The following SLC29A1 variants were observed in gnomAD, a reference collection of about 807,000 sequenced individuals.
The protein encoded by SLC29A1 is equilibrative nucleoside transporter 1.
A neutral mutation model predicts 48.3 loss-of-function variants in SLC29A1; 22 were observed. The ratio of observed to expected loss-of-function variants is 0.46; its 90% CI spans 0.33 to 0.65. SLC29A1 has a LOEUF of 0.65. SLC29A1 is among the 30% of genes least tolerant of loss of function. The pLI, the probability that SLC29A1 is intolerant of heterozygous loss-of-function variation, is 0.03. For missense variants in SLC29A1, 491 were observed against 575.3 expected, an observed-to-expected ratio of 0.85 and a Z score of 1.50; for synonymous variants, 228 against 231.0, an observed-to-expected ratio of 0.99 and a Z score of 0.12.
chr6:44,229,267 A>G lies in SLC29A1; in HGVS notation c.30-123A>G. 1.3e-6 allele frequency: 1 copy of G among 788,380 alleles called. No homozygotes were observed. The highest frequency in any genetic ancestry group is 2.4e-5 in the East Asian group (1 of 41,140). The allele number at this position is 788,380 out of a possible 1,614,324, so 48.8% of individuals were successfully genotyped here. ...AGAGGACACATGCAAACGGACACAA[A>G]CACAGACGCCCTGTGCCCTGGGACC... is the stretch of plus-strand genomic sequence containing the variant. On this transcript the variant is annotated intron_variant, in intron 2 of 12. Transcript: ENST00000371755. The surrounding 1 kb of genome is among the most constrained non-coding windows in gnomAD (Gnocchi z 5.1).
chr6:44,233,531 A>C lies in SLC29A1; in HGVS notation c.*3A>C. ...TCCTGTTCCGGGCAATTGTGTGACA[A>C]AGGATGGACAGAAGGACTGCCTGCC... On this transcript the variant is annotated 3_prime_UTR_variant, in exon 13 of 13. Transcript: ENST00000371755. The C allele has an allele frequency of 6.2e-7, 1 of 1,608,286 alleles. No homozygotes were observed. The highest frequency in any genetic ancestry group is 1.7e-4 in the Middle Eastern group (1 of 6,048).
upstream of SLC29A1, among the ~76,000 whole-genome samples, chr6:44,219,967 A>G (rs1472854020): frequency 6.6e-6 from 1 of 152,162 alleles, no homozygotes; most frequent in African/African-American, 2.4e-5. Flanking sequence ...TTCGAAGGCC[A>G]TTATTAGATG....
At chr6:44,227,608 T>G (rs1582942644) in intron 2 of SLC29A1, among the ~76,000 whole-genome samples, 1 of 152,214 alleles carries the variant, frequency 6.6e-6, no homozygotes, top group Non-Finnish European at 1.5e-5. Context: ...TTAGCGGCTT[T>G]CGGCTCCTCC....
Position 44,233,866 on chromosome 6 carries a change from G to A in SLC29A1, c.*338G>A. 3.4e-6 allele frequency: 1 copy of A among 293,554 alleles called. No homozygotes were observed. The highest frequency in any genetic ancestry group is 4.6e-5 in the South Asian group (1 of 21,624). 18.2% of individuals were successfully genotyped at this position (293,554 alleles called of 1,614,324 possible). On this transcript the variant is annotated 3_prime_UTR_variant, in exon 13 of 13. Transcript: ENST00000371755. ...CGTGTGTCTCTGTGTATGTGTCTGTGTGTCTGCGTCCGTGTCTGTCAGACT... is the reference window on the plus strand; with the variant it reads ...CGTGTGTCTCTGTGTATGTGTCTGTATGTCTGCGTCCGTGTCTGTCAGACT...
chr6:44,230,143 C>A (rs1228556057), intron 5 of SLC29A1, 97 bp downstream of exon 5: 1 of 1,544,002 alleles, frequency 6.5e-7, no homozygotes, highest in East Asian at 2.2e-5. Context: ...AGCCCAGCCT[C>A]CGCCTGGAGG....
In SLC29A1 at chr6:44,232,541, AG is replaced by A; in HGVS notation, c.1059+115del. 2 of 751,144 alleles carry A rather than the reference AG, an allele frequency of 2.7e-6. No homozygotes were observed. Among genetic ancestry groups the A allele is most frequent in the South Asian group, 3.2e-5 (2 of 62,014 alleles). The allele number at this position is 751,144 out of a possible 1,614,324, so 46.5% of individuals were successfully genotyped here. On this transcript the variant is annotated intron_variant, in intron 11 of 12. Transcript: ENST00000371755. This position sits in a 1 kb window ranked among gnomAD's most constrained non-coding sequence, Gnocchi z 4.7. ...AAGGGGACCATTTGTTTTAAAGTCG[AG>A]GCATAATTTATGTATAGTTAAGTAC...
In SLC29A1 at chr6:44,223,618, G is replaced by A; in HGVS notation, c.-75G>A. On this transcript the variant is annotated 5_prime_UTR_variant, in exon 1 of 13. Transcript: ENST00000371755. The surrounding 1 kb of genome is among the most constrained non-coding windows in gnomAD (Gnocchi z 5.0). ...GCAGCGAGAGCGCGCGGATCTCAGC[G>A]CGGGAGCAGTGCTTCTGCGGCAGGT... is the stretch of plus-strand genomic sequence containing the variant. 1 of 1,214,008 alleles carries A rather than the reference G, an allele frequency of 8.2e-7. No individual in the cohort carries two copies. Among genetic ancestry groups the A allele is most frequent in the African/African-American group, 1.6e-5 (1 of 61,376 alleles). The allele number at this position is 1,214,008 out of a possible 1,614,324, so 75.2% of individuals were successfully genotyped here.
At chr6:44,221,717 G>C (rs373597295), upstream of SLC29A1, 1,387 of 1,168,428 alleles carry the variant, frequency 1.2e-3, 30 homozygotes, top group South Asian at 0.017. The surrounding 1 kb of genome is among the most constrained non-coding windows in gnomAD (Gnocchi z 4.2). Flanking sequence ...GTCCAGCAGG[G>C]GGCCCTGGCA....
Position 44,229,066 on chromosome 6 carries a change from C to T in SLC29A1, c.30-324C>T, listed in dbSNP as rs1300768613. Among the ~76,000 whole-genome samples, 3 of 152,198 alleles carry T rather than the reference C, an allele frequency of 2.0e-5. No homozygotes were observed. Among genetic ancestry groups the T allele is most frequent in the African/African-American group, 7.2e-5 (3 of 41,442 alleles). On this transcript the variant is annotated intron_variant, in intron 2 of 12. Coordinates refer to ENST00000371755, the MANE Select transcript of SLC29A1 (RefSeq NM_001372327.1). The surrounding 1 kb of genome is among the most constrained non-coding windows in gnomAD (Gnocchi z 5.1). The stretch of plus-strand genomic sequence containing the variant: ...ACCCCCTGCCCTTCGGCAGGATTTC[C>T]AAAACCATCTCCGGATGTGTGGGTC...
At chr6:44,220,650 T>TAAA (rs564819806), upstream of SLC29A1, among the ~76,000 whole-genome samples, 5 of 116,288 alleles carry the variant, frequency 4.3e-5, no homozygotes, top group African/African-American at 1.6e-4. Flanking sequence ...CCGTCTCTAC[T>TAAA]AAAAAAAAAA....
At chr6:44,230,522 G>A in intron 6 of SLC29A1, 41 bp downstream of exon 6, 3 of 1,613,980 alleles carry the variant, frequency 1.9e-6, no homozygotes, top group African/African-American at 1.3e-5. Context: ...CTGGTGTGGT[G>A]GGGAGAGGGG....
At chr6:44,223,594 C>T (rs891107011), upstream of SLC29A1, 179 of 1,214,468 alleles carry the variant, frequency 1.5e-4, no homozygotes, top group Non-Finnish European at 1.8e-4. This position sits in a 1 kb window ranked among gnomAD's most constrained non-coding sequence, Gnocchi z 5.0. Context: ...AGGGAAGCTG[C>T]AGCGAGAGCG....
upstream of SLC29A1, among the ~76,000 whole-genome samples, chr6:44,223,318 G>C (rs1776681344): frequency 6.6e-6 from 1 of 152,030 alleles, no homozygotes; most frequent in African/African-American, 2.4e-5. This position sits in a 1 kb window ranked among gnomAD's most constrained non-coding sequence, Gnocchi z 5.0. Flanking sequence ...TTAATGTGTG[G>C]CTGTACCCTC....
chr6:44,229,889 C>T lies in SLC29A1; in HGVS notation c.315-18C>T, dbSNP rs1255894020. 1 of 1,612,706 alleles carries T rather than the reference C, an allele frequency of 6.2e-7. No individual in the cohort carries two copies. Among genetic ancestry groups the T allele is most frequent in the South Asian group, 1.1e-5 (1 of 91,080 alleles). ...GCTTTGCCCACTTGTCTCTGCCACC[C>T]TTGGCCTCTCCCGGCAGGATCCCCC... On this transcript the variant is annotated intron_variant, in intron 4 of 12. Transcript: ENST00000371755. The surrounding 1 kb of genome is among the most constrained non-coding windows in gnomAD (Gnocchi z 5.1).
At chr6:44,221,503 C>A, upstream of SLC29A1, 2 of 663,564 alleles carry the variant, frequency 3.0e-6, no homozygotes, top group Non-Finnish European at 4.6e-6. This position sits in a 1 kb window ranked among gnomAD's most constrained non-coding sequence, Gnocchi z 4.2. Context: ...CTGGGCCAAG[C>A]CACGGTCCCA....
At chr6:44,221,354 C>T (rs556592785), upstream of SLC29A1, among the ~76,000 whole-genome samples, 8 of 152,278 alleles carry the variant, frequency 5.3e-5, no homozygotes, top group African/African-American at 1.9e-4. This position sits in a 1 kb window ranked among gnomAD's most constrained non-coding sequence, Gnocchi z 4.2. Context: ...GGTTACCAAC[C>T]CCCAGGCCAA....
In SLC29A1 at chr6:44,229,875, TTGTCTC is replaced by T. The variant is rs757534878; in HGVS notation, c.315-29_315-24del. The T allele has an allele frequency of 8.7e-6, 14 of 1,608,950 alleles. 1 individual carries two copies. The Admixed American group carries it at 2.3e-4, about 27-fold the overall frequency. ...TTGGCTGAGCCCCAGCTTTGCCCACTTGTCTCTGCCACCCTTGGCCTCTCCCGGCAG... is the reference window on the plus strand; with the variant it reads ...TTGGCTGAGCCCCAGCTTTGCCCACTTGCCACCCTTGGCCTCTCCCGGCAG... On this transcript the variant is annotated intron_variant, in intron 4 of 12. Transcript: ENST00000371755. This position sits in a 1 kb window ranked among gnomAD's most constrained non-coding sequence, Gnocchi z 5.1.
intron 5 of SLC29A1, 100 bp from the exon 6 acceptor site, chr6:44,230,247 G>T (rs987312074): frequency 1.0e-5 from 16 of 1,545,698 alleles, no homozygotes; most frequent in African/African-American, 4.1e-5. Context: ...CAGCCTCAAG[G>T]CTCACCAAGA....
chr6:44,229,269 A>G lies in SLC29A1; in HGVS notation c.30-121A>G, dbSNP rs41282660. The G allele has an allele frequency of 0.097, 77,084 of 791,204 alleles. 4,298 individuals are homozygous for G. Among genetic ancestry groups the G allele is most frequent in the Non-Finnish European group, 0.12 (50,887 of 442,366 alleles). The allele number at this position is 791,204 out of a possible 1,614,324, so 49.0% of individuals were successfully genotyped here. A position where few individuals can be genotyped will look rare whatever the true frequency, so the allele number is the denominator to read the frequency against. ...AGGACACATGCAAACGGACACAAAC[A>G]CAGACGCCCTGTGCCCTGGGACCTA... On this transcript the variant is annotated intron_variant, in intron 2 of 12. Transcript: ENST00000371755. The surrounding 1 kb of genome is among the most constrained non-coding windows in gnomAD (Gnocchi z 5.1).
Sources: gnomAD v4.1 joint callset for allele counts (sites outside exome capture counted in the v4.1 genomes callset) on GRCh38, gnomAD v4.1.1 for gene constraint, Gnocchi (gnomAD v3.1) non-coding constraint, MANE v1.5 for transcripts, NCBI Gene and HGNC (gene_info 2026-07-23, HGNC 2026-07-21) for gene names.